Variants in ACSS3 observed in about 807,000 individuals in gnomAD.
ACSS3 encodes acyl-CoA synthetase short-chain family member 3, mitochondrial.
A neutral mutation model predicts 84.2 loss-of-function variants in ACSS3; 64 were observed. The observed-to-expected ratio is 0.76, with a 90% CI of 0.62 to 0.94. The LOEUF is 0.94. Among genes scored for constraint, ACSS3 ranks in the 40% least tolerant of loss-of-function variants. The probability of loss-of-function intolerance (pLI) is 0.00; values close to 1 mark genes in which losing one functional copy is unlikely to be tolerated. For synonymous variants in ACSS3, 317 were observed against 310.1 expected (o/e 1.02, Z -0.23); for missense variants, 815 against 867.6 (o/e 0.94, Z 0.76).
rs529904916 is a variant in ACSS3, at chr12:81,138,677, T to C, written c.646-454T>C. ...TAGAATGAGAAAAAATTATTATAAA[T>C]TATTGGAGATTTGGGTCTTTTTCTG... On this transcript the variant is annotated intron_variant, in intron 3 of 15. Coordinates refer to ENST00000548058, the MANE Select transcript of ACSS3 (RefSeq NM_024560.4). 2.6e-5 allele frequency among the ~76,000 whole-genome samples: 4 copies of C among 152,270 alleles called. No individual in the cohort carries two copies. In the East Asian group the frequency reaches 7.7e-4, roughly 29 times the overall value.
At chr12:81,227,706 A>G (rs1265790290) in intron 11 of ACSS3, among the ~76,000 whole-genome samples, 3 of 151,736 alleles carry the variant, frequency 2.0e-5, no homozygotes, top group Non-Finnish European at 4.4e-5. Flanking sequence ...CTGCATGTCA[A>G]ATTCTTTGAG....
chr12:81,187,697 G>A (rs1030305953), intron 8 of ACSS3, among the ~76,000 whole-genome samples: 9 of 151,820 alleles, frequency 5.9e-5, no homozygotes, highest in Non-Finnish European at 1.3e-4. Context: ...AGTTAAAAAA[G>A]CATTACCTCT....
At chr12:81,144,906 T>TC (rs1555251640) in intron 5 of ACSS3, among the ~76,000 whole-genome samples, 7 of 141,378 alleles carry the variant, frequency 5.0e-5, no homozygotes, top group South Asian at 4.7e-4. Context: ...TTCTTTTCTT[T>TC]TTTTTTTTTT....
At chr12:81,185,931 G>A (rs2031230221) in intron 8 of ACSS3, among the ~76,000 whole-genome samples, 1 of 151,710 alleles carries the variant, frequency 6.6e-6, no homozygotes, top group South Asian at 2.1e-4. Context: ...CAAAGTTGGA[G>A]GCATCACACT....
intron 9 of ACSS3, among the ~76,000 whole-genome samples, chr12:81,215,727 C>T (rs889364988): frequency 2.6e-5 from 4 of 152,076 alleles, no homozygotes; most frequent in African/African-American, 7.2e-5. Flanking sequence ...ATTTTCCTGC[C>T]CTTTCGTACA....
At chr12:81,087,582 C>T (rs1254776000) in intron 1 of ACSS3, among the ~76,000 whole-genome samples, 1 of 152,036 alleles carries the variant, frequency 6.6e-6, no homozygotes, top group African/African-American at 2.4e-5. Context: ...TGCTAAATAA[C>T]TTTAATCTAA....
intron 8 of ACSS3, among the ~76,000 whole-genome samples, chr12:81,188,763 C>T (rs1377941884): frequency 2.0e-5 from 3 of 151,950 alleles, no homozygotes; most frequent in Non-Finnish European, 2.9e-5. Context: ...ACCTATTTTG[C>T]TGTTGAAATA....
At chr12:81,159,270 A>G (rs1047537666) in intron 7 of ACSS3, among the ~76,000 whole-genome samples, 2 of 152,110 alleles carry the variant, frequency 1.3e-5, no homozygotes, top group Non-Finnish European at 2.9e-5. Flanking sequence ...ATTAGAAAAG[A>G]GGAAAACACT....
intron 1 of ACSS3, among the ~76,000 whole-genome samples, chr12:81,092,940 A>G (rs972408614): frequency 2.6e-5 from 4 of 152,178 alleles, no homozygotes; most frequent in Non-Finnish European, 5.9e-5. Flanking sequence ...GTTATGTCCA[A>G]TGGTGTCTAT....
intron 13 of ACSS3, among the ~76,000 whole-genome samples, chr12:81,246,834 A>G (rs1431140985): frequency 1.3e-5 from 2 of 152,202 alleles, no homozygotes; most frequent in African/African-American, 4.8e-5. Flanking sequence ...GCTATTGGGT[A>G]CTAGGCTTAG....
intron 7 of ACSS3, among the ~76,000 whole-genome samples, chr12:81,154,413 C>G (rs1477021243): frequency 6.6e-6 from 1 of 151,768 alleles, no homozygotes; most frequent in Non-Finnish European, 1.5e-5. Context: ...TGTAGATGCT[C>G]TATAAATATT....
intron 9 of ACSS3, among the ~76,000 whole-genome samples, chr12:81,214,010 C>A (rs1414574203): frequency 8.2e-5 from 5 of 61,184 alleles, no homozygotes; most frequent in Non-Finnish European, 1.6e-4. Flanking sequence ...TTTCTTTCAT[C>A]TGTCTGTCTG....
At position 81,078,205 on chromosome 12, in the gene ACSS3, G is replaced by T. The variant is rs760511527; in HGVS notation, c.85G>T (p.Gly29Ter). ...GPLPGSSPAR[G>*]AGAALRALVV... ...CTTGCCTGGGTCCTCTCCGGCCCGG[G>T]GAGCCGGTGCGGCCCTCAGGGCTTT... is the stretch of plus-strand genomic sequence containing the variant. The change falls in exon 1 of 16, where the codon GGA becomes TGA. Residue 29 changes from glycine to a stop codon, truncating the protein, a stop_gained. Coordinates refer to ENST00000548058, the MANE Select transcript of ACSS3 (RefSeq NM_024560.4). LOFTEE classifies it high-confidence loss of function. The T allele has an allele frequency of 7.0e-6, 11 of 1,568,216 alleles. No homozygotes were observed. The highest frequency in any genetic ancestry group is 2.0e-5 in the Admixed American group (1 of 50,610).
At position 81,137,321 on chromosome 12, in the gene ACSS3, TCACACACACA is replaced by T. The variant is rs57701806; in HGVS notation, c.646-1776_646-1767del. Among the ~76,000 whole-genome samples the T allele has an allele frequency of 4.0e-3, 568 of 141,750 alleles. 2 individuals are homozygous for T. Among genetic ancestry groups the T allele is most frequent in the Middle Eastern group, 0.011 (3 of 280 alleles). 93.0% of individuals were successfully genotyped at this position (141,750 alleles called of 152,430 possible). On this transcript the variant is annotated intron_variant, in intron 3 of 15. Coordinates refer to ENST00000548058, the MANE Select transcript of ACSS3 (RefSeq NM_024560.4). ...GTACCACTTAAGGAATTTTCATCCA[TCACACACACA>T]CACACACACACACACACACACACAC...
intron 8 of ACSS3, among the ~76,000 whole-genome samples, chr12:81,192,326 G>A (rs541340460): frequency 6.6e-6 from 1 of 152,292 alleles, no homozygotes; most frequent in Non-Finnish European, 1.5e-5. Flanking sequence ...GTTATAGTAA[G>A]CCGAGACCGT....
intron 11 of ACSS3, among the ~76,000 whole-genome samples, chr12:81,222,947 G>C (rs17008286): frequency 0.015 from 2,271 of 152,106 alleles, 59 homozygotes; most frequent in African/African-American, 0.053. Flanking sequence ...AGTTAATTTA[G>C]TAAGAAAGTT....
chr12:81,151,242 GAC>G (rs1886595577), intron 5 of ACSS3, among the ~76,000 whole-genome samples: 1 of 152,064 alleles, frequency 6.6e-6, no homozygotes, highest in Non-Finnish European at 1.5e-5. Context: ...TGCAATATAA[GAC>G]AAATTTTTTA....
At chr12:81,237,324 A>G (rs1245288841) in intron 13 of ACSS3, among the ~76,000 whole-genome samples, 3 of 151,564 alleles carry the variant, frequency 2.0e-5, no homozygotes, top group Admixed American at 2.0e-4. Context: ...TCATTAGGCA[A>G]ATCACTATAG....
intron 1 of ACSS3, among the ~76,000 whole-genome samples, chr12:81,107,511 C>CATATATATAT (rs566270568): frequency 2.6e-4 from 10 of 38,818 alleles, no homozygotes; most frequent in Non-Finnish European, 4.4e-4. Flanking sequence ...CAAATATATA[C>CATATATATAT]ATATATATAT....
Sources: gnomAD v4.1 joint callset for allele counts (sites outside exome capture counted in the v4.1 genomes callset) on GRCh38, gnomAD v4.1.1 for gene constraint, MANE v1.5 for transcripts, NCBI Gene and HGNC (gene_info 2026-07-23, HGNC 2026-07-21) for gene names.